The following CCDC24 variants were observed in gnomAD, a reference collection of about 807,000 sequenced individuals.
The protein encoded by CCDC24 is coiled-coil domain-containing protein 24.
CCDC24 carries 34 observed loss-of-function variants against 31.6 expected under a neutral mutation model. That is an observed-to-expected ratio of 1.08 (90% CI 0.82 to 1.43). CCDC24 has a LOEUF of 1.43. Among genes scored for constraint, CCDC24 ranks in the 40% most tolerant of loss-of-function variants. The pLI is 0.00. For missense variants in CCDC24, 426 were observed against 391.1 expected (o/e 1.09, Z -0.75); for synonymous variants, 175 against 157.3 (o/e 1.11, Z -0.84).
chr1:43,993,890 C>A lies in CCDC24; in HGVS notation c.423C>A (p.Ser141Arg). The A allele has an allele frequency of 6.2e-7, 1 of 1,614,048 alleles. No individual in the cohort carries two copies. The change falls in exon 5 of 9, where the codon AGC becomes AGA. Residue 141 changes from serine (S) to arginine (R), a missense_variant. Ser to Arg is a moderately radical substitution (Grantham distance 110, BLOSUM62 -1). Coordinates refer to ENST00000372318, the MANE Select transcript of CCDC24 (RefSeq NM_152499.4). ...GTGATAGTGACTTCATTGCCAGCAGCGGTCACAGAGATCTCAGCATCATCA... is the reference window on the plus strand; with the variant it reads ...GTGATAGTGACTTCATTGCCAGCAGAGGTCACAGAGATCTCAGCATCATCA... ...IFQMRGGGPSSGHRDLSIIKD... is the reference protein window; with the variant it reads ...IFQMRGGGPSRGHRDLSIIKD...
chr1:43,992,047 G>C, intron 2 of CCDC24, 43 bp downstream of exon 2: 7 of 1,434,598 alleles, frequency 4.9e-6, no homozygotes, highest in Non-Finnish European at 6.4e-6. Context: ...CCTGCCCCAC[G>C]ACTCGGGTGA....
intron 4 of CCDC24, 55 bp from the exon 5 acceptor site, chr1:43,993,832 T>C: frequency 6.6e-7 from 1 of 1,523,522 alleles, no homozygotes; most frequent in South Asian, 1.1e-5. Flanking sequence ...GATATTTGGG[T>C]CCTGAAGGCC....
Position 43,995,010 on chromosome 1 carries a change from G to A in CCDC24, c.498-98G>A, listed in dbSNP as rs914997391. On this transcript the variant is annotated intron_variant, in intron 5 of 8. Transcript: ENST00000372318. The surrounding 1 kb of genome is among the most constrained non-coding windows in gnomAD (Gnocchi z 4.3). Reference sequence around the variant, plus strand: ...GGGCTGAGGAAGGACAGGTTGGGTGGGGCTCCTGCTGAGGCTGGAGGTTGG... The same window carrying A: ...GGGCTGAGGAAGGACAGGTTGGGTGAGGCTCCTGCTGAGGCTGGAGGTTGG... 5 of 1,111,132 alleles carry A rather than the reference G, an allele frequency of 4.5e-6. No homozygotes were observed. The African/African-American group carries it at 7.7e-5, about 17-fold the overall frequency. 68.8% of individuals were successfully genotyped at this position (1,111,132 alleles called of 1,614,324 possible).
Position 43,992,153 on chromosome 1 carries a change from C to T in CCDC24, c.127-59C>T, listed in dbSNP as rs552594210. On this transcript the variant is annotated intron_variant, in intron 2 of 8. Transcript: ENST00000372318. ...TCCGCCCTCTCCCTCACTCCCCCAG[C>T]CCCCACCATTCCGGACACTCCCCTC... 6 of 1,543,964 alleles carry T rather than the reference C, an allele frequency of 3.9e-6. No individual in the cohort carries two copies. The South Asian group carries it at 6.1e-5, about 16-fold the overall frequency.
At position 43,996,193 on chromosome 1, in the gene CCDC24, C is replaced by A; in HGVS notation, c.*33C>A. On this transcript the variant is annotated 3_prime_UTR_variant, in exon 9 of 9. Coordinates refer to ENST00000372318, the MANE Select transcript of CCDC24 (RefSeq NM_152499.4). ...GTCACCGAGTAGGCTCTGGCTTCTG[C>A]CACAGCGCACCTGTCTGCCGCTGCC... 1 of 1,490,730 alleles carries A rather than the reference C, an allele frequency of 6.7e-7. No homozygotes were observed. The highest frequency in any genetic ancestry group is 9.0e-7 in the Non-Finnish European group (1 of 1,112,682). The allele number at this position is 1,490,730 out of a possible 1,614,324, so 92.3% of individuals were successfully genotyped here. A position where few individuals can be genotyped will look rare whatever the true frequency, so the allele number is the denominator to read the frequency against.
intron 5 of CCDC24, chr1:43,994,422 G>GTTTCTTTCTTTC (rs36038358): frequency 0.064 from 8,689 of 136,762 alleles, 412 homozygotes; most frequent in African/African-American, 0.12. Flanking sequence ...GCAAGACCCT[G>GTTTCTTTCTTTC]TTTCTTTCTT....
rs778869876 is a variant in CCDC24, at chr1:43,995,180, G to T, written c.552+18G>T. On this transcript the variant is annotated intron_variant, in intron 6 of 8. Coordinates refer to ENST00000372318, the MANE Select transcript of CCDC24 (RefSeq NM_152499.4). The surrounding 1 kb of genome is among the most constrained non-coding windows in gnomAD (Gnocchi z 4.3). Reference sequence around the variant, plus strand: ...TCCTGCAGGTGAGCCGCAGCCCTGGGCCCTCCCCCGAGCCTCACTGCTGAG... The same window carrying T: ...TCCTGCAGGTGAGCCGCAGCCCTGGTCCCTCCCCCGAGCCTCACTGCTGAG... 2 of 1,556,604 alleles carry T rather than the reference G, an allele frequency of 1.3e-6. No individual in the cohort carries two copies. The highest frequency in any genetic ancestry group is 2.4e-5 in the East Asian group (1 of 41,616).
At chr1:43,993,508 G>A (rs974821240) in intron 4 of CCDC24, among the ~76,000 whole-genome samples, 11 of 151,912 alleles carry the variant, frequency 7.2e-5, no homozygotes, top group East Asian at 1.9e-4. Flanking sequence ...TTGAACAGGC[G>A]TGGTGGCACG....
rs376874860 is a variant in CCDC24, at chr1:43,992,160, C to G, written c.127-52C>G. ...TCTCCCTCACTCCCCCAGCCCCCAC[C>G]ATTCCGGACACTCCCCTCCCCAGTC... On this transcript the variant is annotated intron_variant, in intron 2 of 8. Coordinates refer to ENST00000372318, the MANE Select transcript of CCDC24 (RefSeq NM_152499.4). 66 of 1,557,952 alleles carry G rather than the reference C, an allele frequency of 4.2e-5. No homozygotes were observed. The African/African-American group carries it at 8.0e-4, about 19-fold the overall frequency.
At position 43,995,467 on chromosome 1, in the gene CCDC24, TG is replaced by T; in HGVS notation, c.553-130del. 1.0e-6 allele frequency: 1 copy of T among 971,996 alleles called. No individual in the cohort carries two copies. The highest frequency in any genetic ancestry group is 1.5e-6 in the Non-Finnish European group (1 of 664,360). The allele number at this position is 971,996 out of a possible 1,614,324, so 60.2% of individuals were successfully genotyped here. A position where few individuals can be genotyped will look rare whatever the true frequency, so the allele number is the denominator to read the frequency against. On this transcript the variant is annotated intron_variant, in intron 6 of 8. Coordinates refer to ENST00000372318, the MANE Select transcript of CCDC24 (RefSeq NM_152499.4). The surrounding 1 kb of genome is among the most constrained non-coding windows in gnomAD (Gnocchi z 4.3). The stretch of plus-strand genomic sequence containing the variant: ...GCTCTTCCGCAAGGCTGGTATTCCC[TG>T]GGGAACGTGGCTGCCCTCACGGTGG...
intron 2 of CCDC24, 54 bp downstream of exon 2, chr1:43,992,058 T>C: frequency 2.3e-6 from 3 of 1,327,584 alleles, no homozygotes; most frequent in Middle Eastern, 2.7e-4. Flanking sequence ...ACTCGGGTGA[T>C]TTCCCACCTC....
chr1:43,991,763 G>T lies in CCDC24; in HGVS notation c.-33+17G>T, dbSNP rs1173258543. ...AGAGCACGGGTGGGGCTTGGGAGAG[G>T]GCGGGGCCCATAGAGGGGCGGGGTT... is the stretch of plus-strand genomic sequence containing the variant. On this transcript the variant is annotated intron_variant, in intron 1 of 8. Transcript: ENST00000372318. 1 of 1,350,050 alleles carries T rather than the reference G, an allele frequency of 7.4e-7. No homozygotes were observed. Among genetic ancestry groups the T allele is most frequent in the South Asian group, 1.2e-5 (1 of 80,240 alleles). 83.6% of individuals were successfully genotyped at this position (1,350,050 alleles called of 1,614,324 possible).
At position 43,996,156 on chromosome 1, in the gene CCDC24, C is replaced by A. The variant is rs2085853191; in HGVS notation, c.920C>A (p.Ala307Asp). ...PMSSAAPQAP[A>D] ...TCCAGTGCAGCACCCCAAGCCCCAG[C>A]CTGAAGGGCTGGTCACCGAGTAGGC... Residue 307 changes from alanine (A) to aspartate (D), a missense_variant, in exon 9 of 9, where the codon GCC becomes GAC. Coordinates refer to ENST00000372318, the MANE Select transcript of CCDC24 (RefSeq NM_152499.4). The A allele has an allele frequency of 6.3e-7, 1 of 1,577,280 alleles. No homozygotes were observed. Among genetic ancestry groups the A allele is most frequent in the Non-Finnish European group, 8.6e-7 (1 of 1,160,778 alleles).
rs751999681 is a variant in CCDC24, at chr1:43,993,906, A to G, written c.439A>G (p.Ser147Gly). Residue 147 changes from serine (S) to glycine (G), a missense_variant, in exon 5 of 9, where the codon AGC (serine) becomes GGC (glycine). Coordinates refer to ENST00000372318, the MANE Select transcript of CCDC24 (RefSeq NM_152499.4). ...GGPSSGHRDLSIIKDQLNVSN... is the reference protein window; with the variant it reads ...GGPSSGHRDLGIIKDQLNVSN... ...TGCCAGCAGCGGTCACAGAGATCTCAGCATCATCAAGGACCAACTGAACGT... is the reference window on the plus strand; with the variant it reads ...TGCCAGCAGCGGTCACAGAGATCTCGGCATCATCAAGGACCAACTGAACGT... The G allele has an allele frequency of 1.2e-6, 2 of 1,614,230 alleles. No individual in the cohort carries two copies. Among genetic ancestry groups the G allele is most frequent in the Non-Finnish European group, 1.7e-6 (2 of 1,180,042 alleles).
chr1:43,993,764 T>A, intron 4 of CCDC24, 123 bp from the exon 5 acceptor site: 1 of 883,530 alleles, frequency 1.1e-6, no homozygotes, highest in South Asian at 1.6e-5. Flanking sequence ...TCCCAAACTC[T>A]TACTCTTTGC....
chr1:43,991,775 A>C, intron 1 of CCDC24, 29 bp downstream of exon 1: 2 of 1,433,718 alleles, frequency 1.4e-6, no homozygotes, highest in African/African-American at 1.4e-5. Flanking sequence ...CGGGGCCCAT[A>C]GAGGGGCGGG....
chr1:43,995,798 G>T lies in CCDC24; in HGVS notation c.643G>T (p.Ala215Ser). 1 of 1,614,222 alleles carries T rather than the reference G, an allele frequency of 6.2e-7. No individual in the cohort carries two copies. The highest frequency in any genetic ancestry group is 8.5e-7 in the Non-Finnish European group (1 of 1,180,038). Residue 215 changes from alanine (A) to serine (S), a missense_variant, in exon 8 of 9, where the codon GCC (alanine) becomes TCC (serine). Ala to Ser is a moderately conservative substitution (Grantham distance 99). Coordinates refer to ENST00000372318, the MANE Select transcript of CCDC24 (RefSeq NM_152499.4). The surrounding 1 kb of genome is among the most constrained non-coding windows in gnomAD (Gnocchi z 4.3). ...TTCAGAGCTAAAGGAACAGAAGAAG[G>T]CCATGGAGCAGGAGCTGCAGGCATC... is the stretch of plus-strand genomic sequence containing the variant. ...TLAELKEQKK[A>S]MEQELQASVG...
chr1:43,994,077 A>C (rs1376477099), intron 5 of CCDC24, 113 bp downstream of exon 5: 2 of 939,704 alleles, frequency 2.1e-6, no homozygotes, highest in Admixed American at 4.0e-5. Context: ...GGGGAGGCCC[A>C]TGTGCGTAAG....
intron 4 of CCDC24, among the ~76,000 whole-genome samples, chr1:43,993,646 CAAA>C (rs57838666): frequency 2.4e-4 from 15 of 62,468 alleles, no homozygotes; most frequent in East Asian, 4.8e-4. Context: ...AATCTTGTCT[CAAA>C]AAAAAAAAAA....
Sources: gnomAD v4.1 joint callset for allele counts (sites outside exome capture counted in the v4.1 genomes callset) on GRCh38, gnomAD v4.1.1 for gene constraint, Gnocchi (gnomAD v3.1) non-coding constraint, MANE v1.5 for transcripts, NCBI Gene and HGNC (gene_info 2026-07-23, HGNC 2026-07-21) for gene names.